TMEM135: variants seen among roughly 807,000 people sequenced by gnomAD.
TMEM135 encodes peroxisomal membrane protein 52.
TMEM135 carries 30 observed loss-of-function variants against 60.3 expected under a neutral mutation model. The observed-to-expected ratio is 0.50, with a 90% CI of 0.37 to 0.68. The LOEUF is 0.68. TMEM135 is among the 30% of genes least tolerant of loss of function. The pLI is 0.00. For synonymous variants in TMEM135, 190 were observed against 186.7 expected, an observed-to-expected ratio of 1.02 and a Z score of -0.14; for missense variants, 468 against 548.8, an observed-to-expected ratio of 0.85 and a Z score of 1.47.
intron 3 of TMEM135, among the ~76,000 whole-genome samples, chr11:87,078,197 A>G (rs750839306): frequency 3.3e-5 from 5 of 152,210 alleles, no homozygotes; most frequent in Non-Finnish European, 5.9e-5. Flanking sequence ...TGTTTTGTTC[A>G]GCAGTATATA....
rs751451523 is a variant in TMEM135 at position 87,319,411 on chromosome 11, T to TTTTG, written c.1244+34_1244+35insTTTG. 70 of 1,463,140 alleles carry TTTTG rather than the reference T, an allele frequency of 4.8e-5. No individual in the cohort carries two copies. The African/African-American group carries it at 9.1e-4, about 19-fold the overall frequency. 90.6% of individuals were successfully genotyped at this position (1,463,140 alleles called of 1,614,324 possible). A position where few individuals can be genotyped will look rare whatever the true frequency, so the allele number is the denominator to read the frequency against. On this transcript the variant is annotated intron_variant, in intron 14 of 14. Transcript: ENST00000305494. ...CTACGTAGTTTTCTTAAAAATATTA[T>TTTTG]GAGTGGTTTTATCTTTTTGAGGGAA...
chr11:87,202,864 C>T (rs12791586), intron 5 of TMEM135, among the ~76,000 whole-genome samples: 3 of 151,266 alleles, frequency 2.0e-5, no homozygotes, highest in Non-Finnish European at 4.4e-5. Flanking sequence ...AACCCCGTCT[C>T]TACTAAAAAT....
At chr11:87,302,777 G>A (rs1461407251) in intron 8 of TMEM135, among the ~76,000 whole-genome samples, 2 of 152,086 alleles carry the variant, frequency 1.3e-5, no homozygotes, top group African/African-American at 4.8e-5. Context: ...ATGGAAAGAA[G>A]GAAGCAAAAT....
At chr11:87,294,917 G>T (rs1942323603) in intron 6 of TMEM135, among the ~76,000 whole-genome samples, 1 of 152,050 alleles carries the variant, frequency 6.6e-6, no homozygotes, top group African/African-American at 2.4e-5. Context: ...TAACTACCAT[G>T]TAATTTGAAT....
chr11:87,317,998 A>G, intron 12 of TMEM135, 139 bp from the exon 13 acceptor site: 2 of 694,016 alleles, frequency 2.9e-6, no homozygotes, highest in Non-Finnish European at 5.1e-6. Flanking sequence ...TAACATCATT[A>G]TGAAAAATGT....
intron 6 of TMEM135, among the ~76,000 whole-genome samples, chr11:87,294,344 A>G (rs537799473): frequency 1.3e-5 from 2 of 152,326 alleles, no homozygotes; most frequent in African/African-American, 4.8e-5. Flanking sequence ...CCTTTCCTAC[A>G]GAAGACATAG....
At chr11:87,046,741 A>T (rs1949799983) in intron 1 of TMEM135, among the ~76,000 whole-genome samples, 1 of 152,222 alleles carries the variant, frequency 6.6e-6, no homozygotes, top group Admixed American at 6.5e-5. Flanking sequence ...TAGAAAGAGA[A>T]GACAACCTAG....
At chr11:87,262,973 C>T (rs1304347199) in intron 6 of TMEM135, among the ~76,000 whole-genome samples, 1 of 151,372 alleles carries the variant, frequency 6.6e-6, no homozygotes, top group Non-Finnish European at 1.5e-5. Context: ...AAGATATTGT[C>T]TTTTCAAAGC....
intron 2 of TMEM135, among the ~76,000 whole-genome samples, chr11:87,068,178 A>G (rs1856703923): frequency 6.6e-6 from 1 of 152,226 alleles, no homozygotes; most frequent in Non-Finnish European, 1.5e-5. Flanking sequence ...TTAGGGCCAC[A>G]TGCAGTGAAC....
At position 87,319,332 on chromosome 11, in the gene TMEM135, T is replaced by C. The variant is rs1790767841; in HGVS notation, c.1199T>C (p.Leu400Ser). ...CAGGCTGTCATGGAAGTTCAGACTT[T>C]GAGACCATCTTACTGGAAGTTCCTT... ...FQAAVMEVQTLRPSYWKFLLR... is the reference protein window; with the variant it reads ...FQAAVMEVQTSRPSYWKFLLR... The change falls in exon 14 of 15, where the codon TTG becomes TCG. Residue 400 changes from leucine to serine, a missense_variant. Coordinates refer to ENST00000305494, the MANE Select transcript of TMEM135 (RefSeq NM_022918.4). The C allele has an allele frequency of 6.2e-7, 1 of 1,613,322 alleles. No individual in the cohort carries two copies. The highest frequency in any genetic ancestry group is 8.5e-7 in the Non-Finnish European group (1 of 1,179,396).
chr11:87,223,391 C>T (rs1411636947), intron 5 of TMEM135, among the ~76,000 whole-genome samples: 1 of 151,858 alleles, frequency 6.6e-6, no homozygotes, highest in South Asian at 2.1e-4. Flanking sequence ...AGGATGGTCT[C>T]CATCTCCTGA....
intron 5 of TMEM135, among the ~76,000 whole-genome samples, chr11:87,167,790 C>T (rs1939102150): frequency 6.6e-6 from 1 of 152,014 alleles, no homozygotes; most frequent in African/African-American, 2.4e-5. Context: ...TGTGTCTCTG[C>T]CACGTTTTGG....
intron 4 of TMEM135, among the ~76,000 whole-genome samples, chr11:87,123,216 C>G (rs541293): frequency 0.35 from 52,815 of 151,992 alleles, 9,586 homozygotes; most frequent in East Asian, 0.62. Context: ...GAAATTTATT[C>G]TCTCTCAGTT....
In TMEM135 at chr11:87,058,777, G is replaced by T. The variant is rs1374195710; in HGVS notation, c.142-8917G>T. 2.0e-5 allele frequency among the ~76,000 whole-genome samples: 3 copies of T among 151,210 alleles called. No homozygotes were observed. In the East Asian group the frequency reaches 5.8e-4, roughly 29 times the overall value. Reference sequence around the variant, plus strand: ...TGGGACTACAGGCGCCCACCACCATGCCCGGCTAATTTTTTTGTATTTTTA... The same window carrying T: ...TGGGACTACAGGCGCCCACCACCATTCCCGGCTAATTTTTTTGTATTTTTA... On this transcript the variant is annotated intron_variant, in intron 1 of 14. Coordinates refer to ENST00000305494, the MANE Select transcript of TMEM135 (RefSeq NM_022918.4).
intron 3 of TMEM135, among the ~76,000 whole-genome samples, chr11:87,088,385 A>G (rs965701470): frequency 6.6e-5 from 10 of 152,208 alleles, no homozygotes; most frequent in African/African-American, 9.6e-5. Flanking sequence ...ACAAATAACT[A>G]TATTACCCTA....
Position 87,258,810 on chromosome 11 carries a change from C to T in TMEM135, c.509+22126C>T, listed in dbSNP as rs1238295635. ...AGTTCAAACACAATTGAATTTCTGA[C>T]TTCTCCCACGGAGACAGCTCATATA... On this transcript the variant is annotated intron_variant, in intron 6 of 14. Coordinates refer to ENST00000305494, the MANE Select transcript of TMEM135 (RefSeq NM_022918.4). 9 of 604,508 alleles carry T rather than the reference C, an allele frequency of 1.5e-5. No individual in the cohort carries two copies. The East Asian group carries it at 2.6e-4, about 17-fold the overall frequency. The allele number at this position is 604,508 out of a possible 1,614,324, so 37.4% of individuals were successfully genotyped here. A position where few individuals can be genotyped will look rare whatever the true frequency, so the allele number is the denominator to read the frequency against.
rs1352769883 is a variant in TMEM135 at position 87,287,056 on chromosome 11, T to TG, written c.510-8726_510-8725insG. On this transcript the variant is annotated intron_variant, in intron 6 of 14. Transcript: ENST00000305494. Reference sequence around the variant, plus strand: ...TTTAAATCCAATTTTTCTTTATTTTTTGCTAACTGAATCTTTTCACATATT... The same window carrying TG: ...TTTAAATCCAATTTTTCTTTATTTTTGTGCTAACTGAATCTTTTCACATATT... 2.0e-5 allele frequency among the ~76,000 whole-genome samples: 3 copies of TG among 152,372 alleles called. No homozygotes were observed. In the East Asian group the frequency reaches 5.8e-4, roughly 29 times the overall value.
At chr11:87,060,100 A>G (rs1949932107) in intron 1 of TMEM135, among the ~76,000 whole-genome samples, 1 of 152,176 alleles carries the variant, frequency 6.6e-6, no homozygotes, top group Non-Finnish European at 1.5e-5. Context: ...GCAACAGAGC[A>G]TGACTCTGAA....
intron 5 of TMEM135, among the ~76,000 whole-genome samples, chr11:87,159,136 A>C (rs184927891): frequency 2.0e-4 from 31 of 152,280 alleles, no homozygotes; most frequent in African/African-American, 6.7e-4. Flanking sequence ...TTTTTCTACT[A>C]ATTATTAGGT....
Sources: gnomAD v4.1 joint callset for allele counts (sites outside exome capture counted in the v4.1 genomes callset) on GRCh38, gnomAD v4.1.1 for gene constraint, MANE v1.5 for transcripts, NCBI Gene and HGNC (gene_info 2026-07-23, HGNC 2026-07-21) for gene names.